The following RFX3 variants were observed in gnomAD, a reference collection of about 807,000 sequenced individuals.
RFX3 encodes the protein transcription factor RFX3.
Under a neutral mutation model 98.6 loss-of-function variants are expected in RFX3, and 14 were observed. The observed-to-expected ratio is 0.14, with a 90% CI of 0.09 to 0.22. The LOEUF (loss-of-function observed/expected upper bound fraction) is 0.22. Ranked by LOEUF, RFX3 falls within the 10% of genes least tolerant of loss-of-function variation. The pLI is 1.00. For missense variants in RFX3, 639 were observed against 926.9 expected, an observed-to-expected ratio of 0.69 and a Z score of 4.03; for synonymous variants, 383 against 328.4, an observed-to-expected ratio of 1.17 and a Z score of -1.80.
chr9:3,517,324 C>A (rs927919983), intron 1 of RFX3, among the ~76,000 whole-genome samples: 5 of 152,148 alleles, frequency 3.3e-5, no homozygotes, highest in African/African-American at 1.2e-4. Flanking sequence ...CTTTAACCTC[C>A]TTTGGCTAGC....
chr9:3,367,269 G>C (rs1837319468), intron 2 of RFX3, among the ~76,000 whole-genome samples: 1 of 151,974 alleles, frequency 6.6e-6, no homozygotes, highest in Non-Finnish European at 1.5e-5. Context: ...AAAATGGAGG[G>C]GCTACAAGAG....
chr9:3,351,610 C>A (rs1835136758), intron 2 of RFX3, among the ~76,000 whole-genome samples: 1 of 151,612 alleles, frequency 6.6e-6, no homozygotes, highest in Admixed American at 6.6e-5. Flanking sequence ...ATAAATACTC[C>A]CTATGAATCA....
intron 1 of RFX3, among the ~76,000 whole-genome samples, chr9:3,399,197 G>A (rs562418891): frequency 7.2e-5 from 11 of 151,740 alleles, no homozygotes; most frequent in Non-Finnish European, 1.2e-4. Flanking sequence ...CACTTTGGGA[G>A]GCCAAGGTGG....
At chr9:3,420,303 C>A (rs986593455) in intron 1 of RFX3, among the ~76,000 whole-genome samples, 2 of 152,088 alleles carry the variant, frequency 1.3e-5, no homozygotes, top group East Asian at 3.9e-4. Flanking sequence ...AAACCAAATG[C>A]CCCTACACAG....
chr9:3,302,009 A>G (rs989850828), intron 4 of RFX3, among the ~76,000 whole-genome samples: 14 of 151,910 alleles, frequency 9.2e-5, no homozygotes, highest in African/African-American at 3.4e-4. Flanking sequence ...TATTAGTGCT[A>G]TTCTCTCACG....
chr9:3,431,369 A>C (rs2132534372), intron 1 of RFX3, among the ~76,000 whole-genome samples: 1 of 152,320 alleles, frequency 6.6e-6, no homozygotes, highest in South Asian at 2.1e-4. Flanking sequence ...GAATTGTTTC[A>C]TATGTACCAT....
At chr9:3,424,348 CTTTTTTTTTT>C (rs748693786) in intron 1 of RFX3, among the ~76,000 whole-genome samples, 3 of 76,006 alleles carry the variant, frequency 3.9e-5, no homozygotes, top group South Asian at 4.4e-4. Context: ...ACATAATTGA[CTTTTTTTTTT>C]TTTTTTTTTT....
chr9:3,247,619 T>C (rs973694100), intron 15 of RFX3: 1 of 1,329,582 alleles, frequency 7.5e-7, no homozygotes, highest in Non-Finnish European at 9.6e-7. Context: ...TAAAATAGAA[T>C]CATTTACTTT....
At chr9:3,467,147 TAATA>T (rs1848348796) in intron 1 of RFX3, among the ~76,000 whole-genome samples, 1 of 118,666 alleles carries the variant, frequency 8.4e-6, no homozygotes, top group South Asian at 2.3e-4. Flanking sequence ...TGTATATACA[TAATA>T]TATATGTATA....
At chr9:3,467,946 C>T (rs1174748992) in intron 1 of RFX3, among the ~76,000 whole-genome samples, 2 of 152,190 alleles carry the variant, frequency 1.3e-5, no homozygotes, top group African/African-American at 2.4e-5. Context: ...GCAACCATGG[C>T]TTCTGGGTAT....
At chr9:3,253,511 C>T (rs1821706124) in intron 14 of RFX3, among the ~76,000 whole-genome samples, 1 of 150,554 alleles carries the variant, frequency 6.6e-6, no homozygotes, top group Admixed American at 6.7e-5. Context: ...GAGAAATGGC[C>T]CATATAACTT....
At chr9:3,502,906 G>C (rs973063581) in intron 1 of RFX3, among the ~76,000 whole-genome samples, 1 of 152,128 alleles carries the variant, frequency 6.6e-6, no homozygotes, top group African/African-American at 2.4e-5. Flanking sequence ...CTTTAAAGGA[G>C]AGTGATGGAT....
chr9:3,260,327 G>T (rs1165838631), intron 13 of RFX3, among the ~76,000 whole-genome samples: 4 of 151,832 alleles, frequency 2.6e-5, no homozygotes, highest in African/African-American at 9.7e-5. Context: ...GCAGGTAGAG[G>T]ATAAGTCGTA....
intron 3 of RFX3, among the ~76,000 whole-genome samples, chr9:3,344,177 A>C (rs575283653): frequency 3.9e-5 from 6 of 152,198 alleles, no homozygotes; most frequent in African/African-American, 1.4e-4. Context: ...TAATGAGTGC[A>C]TAATTTTACA....
chr9:3,420,689 C>T (rs1843369448), intron 1 of RFX3: 1 of 644,452 alleles, frequency 1.6e-6, no homozygotes, highest in African/African-American at 2.0e-5. Flanking sequence ...TTTTAAGAGG[C>T]AGGTTCCACA....
chr9:3,322,126 T>G (rs1831390195), intron 4 of RFX3, among the ~76,000 whole-genome samples: 2 of 152,292 alleles, frequency 1.3e-5, no homozygotes, highest in South Asian at 4.1e-4. Flanking sequence ...CAAGTTTATT[T>G]ACATGAACAG....
intron 1 of RFX3, among the ~76,000 whole-genome samples, chr9:3,513,287 T>C (rs1343579354): frequency 6.6e-6 from 1 of 152,134 alleles, no homozygotes; most frequent in African/African-American, 2.4e-5. Context: ...TATTACTAGA[T>C]ATGCAGAATA....
chr9:3,488,612 TA>T (rs1346867491), intron 1 of RFX3, among the ~76,000 whole-genome samples: 1 of 152,220 alleles, frequency 6.6e-6, no homozygotes, highest in African/African-American at 2.4e-5. Flanking sequence ...AAGATTATTG[TA>T]ACTCTGAAAT....
In RFX3 at chr9:3,462,261, G is replaced by GA. The variant is rs1847765070; in HGVS notation, c.-9+63485_-9+63486insT. ...AAATGGGATTTATTCCAGAATTCAA[G>GA]GTTGCTTTATCATTAGAATATCAAT... is the stretch of plus-strand genomic sequence containing the variant. On this transcript the variant is annotated intron_variant, in intron 1 of 16. Coordinates refer to ENST00000617270, the MANE Select transcript of RFX3 (RefSeq NM_001282116.2). 6.6e-5 allele frequency among the ~76,000 whole-genome samples: 10 copies of GA among 152,094 alleles called. 1 individual carries two copies. In the South Asian group the frequency reaches 2.1e-3, roughly 31 times the overall value.
Sources: allele counts gnomAD v4.1 joint callset (sites outside exome capture counted in the v4.1 genomes callset), GRCh38; gene constraint gnomAD v4.1.1; transcripts MANE v1.5; gene names NCBI Gene and HGNC (gene_info 2026-07-23, HGNC 2026-07-21).